GRM8: variants seen among roughly 807,000 people sequenced by gnomAD.
GRM8 encodes the protein metabotropic glutamate receptor 8.
Under a neutral mutation model 87.2 loss-of-function variants are expected in GRM8, and 47 were observed. The observed-to-expected ratio is 0.54, with a 90% CI of 0.43 to 0.69. The LOEUF (loss-of-function observed/expected upper bound fraction) is 0.69, where lower values mean the gene tolerates loss of function less well. Among genes scored for constraint, GRM8 ranks in the 30% least tolerant of loss-of-function variants. The pLI is 0.00. For missense variants in GRM8, 1,019 were observed against 1,139.2 expected, an observed-to-expected ratio of 0.89 and a Z score of 1.52; for synonymous variants, 396 against 404.5, an observed-to-expected ratio of 0.98 and a Z score of 0.25.
At chr7:126,523,695 G>A (rs759616119) in intron 9 of GRM8, among the ~76,000 whole-genome samples, 7 of 151,826 alleles carry the variant, frequency 4.6e-5, no homozygotes, top group Non-Finnish European at 1.0e-4. Context: ...ATGCGGTATC[G>A]CCAGGTTGGC....
At chr7:126,791,940 T>A (rs1159590929) in intron 6 of GRM8, among the ~76,000 whole-genome samples, 5 of 152,182 alleles carry the variant, frequency 3.3e-5, no homozygotes, top group Admixed American at 3.3e-4. Flanking sequence ...GAACGTGGGC[T>A]TACTGATGCT....
intron 7 of GRM8, among the ~76,000 whole-genome samples, chr7:126,753,958 C>A (rs973259348): frequency 3.3e-5 from 5 of 151,868 alleles, no homozygotes. Flanking sequence ...ACTTTTCAAT[C>A]ACGGTGATTA....
chr7:127,252,507 T>A lies in GRM8; in HGVS notation c.-312+290A>T, dbSNP rs1798928896. ...GGTGCCCACTCTCCTTCTCCCCCCA[T>A]TCCCGTCACCTCCGCCCGCTATTTC... On this transcript the variant is annotated intron_variant, in intron 1 of 10. Coordinates refer to ENST00000339582, the MANE Select transcript of GRM8 (RefSeq NM_000845.3). The surrounding 1 kb of genome is among the most constrained non-coding windows in gnomAD (Gnocchi z 4.9). The A allele has an allele frequency of 6.6e-6, 1 of 152,390 alleles. No homozygotes were observed. The highest frequency in any genetic ancestry group is 2.1e-4 in the South Asian group (1 of 4,824). 9.4% of individuals were successfully genotyped at this position (152,390 alleles called of 1,614,324 possible).
intron 7 of GRM8, among the ~76,000 whole-genome samples, chr7:126,618,843 A>G (rs1023782982): frequency 6.6e-6 from 1 of 152,266 alleles, no homozygotes; most frequent in African/African-American, 2.4e-5. Context: ...GACACCAGTT[A>G]GAATGGCGAT....
chr7:127,220,789 C>T (rs1047905740), intron 2 of GRM8, among the ~76,000 whole-genome samples: 10 of 152,170 alleles, frequency 6.6e-5, no homozygotes, highest in African/African-American at 2.2e-4. Context: ...GTGCCCCAGC[C>T]GCTGAACATA....
chr7:126,627,495 T>C (rs953546455), intron 7 of GRM8, among the ~76,000 whole-genome samples: 6 of 152,232 alleles, frequency 3.9e-5, no homozygotes, highest in Admixed American at 1.3e-4. Flanking sequence ...CAAATATTTA[T>C]ATTTTTATGT....
At chr7:126,443,752 G>T (rs1322017287) in intron 10 of GRM8, among the ~76,000 whole-genome samples, 1 of 151,794 alleles carries the variant, frequency 6.6e-6, no homozygotes, top group Non-Finnish European at 1.5e-5. Flanking sequence ...CCTTGTTTTT[G>T]CAATCTTTCA....
intron 7 of GRM8, among the ~76,000 whole-genome samples, chr7:126,615,240 AT>A (rs1332673491): frequency 1.3e-5 from 2 of 152,278 alleles, no homozygotes; most frequent in Admixed American, 6.5e-5. Flanking sequence ...AAAGAAAAGA[AT>A]TTTCAACCCA....
intron 3 of GRM8, among the ~76,000 whole-genome samples, chr7:127,040,236 G>A (rs1001931952): frequency 1.3e-5 from 2 of 152,058 alleles, no homozygotes; most frequent in African/African-American, 4.8e-5. Context: ...CAGCAACCAA[G>A]AACAGTTCAC....
At chr7:126,460,529 T>C (rs1002482029) in intron 9 of GRM8, among the ~76,000 whole-genome samples, 4 of 151,646 alleles carry the variant, frequency 2.6e-5, no homozygotes, top group South Asian at 2.1e-4. Context: ...CTCATAACTC[T>C]AGACCACAGA....
intron 3 of GRM8, among the ~76,000 whole-genome samples, chr7:126,925,439 T>C (rs1159232019): frequency 6.6e-6 from 1 of 152,176 alleles, no homozygotes; most frequent in African/African-American, 2.4e-5. Flanking sequence ...ATCTAAACAA[T>C]ACAATTCTGA....
intron 3 of GRM8, among the ~76,000 whole-genome samples, chr7:126,928,009 C>T (rs374857878): frequency 6.6e-6 from 1 of 152,114 alleles, no homozygotes; most frequent in East Asian, 1.9e-4. Flanking sequence ...AAATGTGGCA[C>T]ATATACGTCA....
Position 126,438,885 on chromosome 7 carries a change from T to C in GRM8, c.*234A>G. ...TTTTGTGATTTGTTTTAACTGCTCATGAATAAGCAATACTTTAGCTTGACA... is the reference window on the plus strand; with the variant it reads ...TTTTGTGATTTGTTTTAACTGCTCACGAATAAGCAATACTTTAGCTTGACA... On this transcript the variant is annotated 3_prime_UTR_variant, in exon 11 of 11. Transcript: ENST00000339582. The C allele has an allele frequency of 2.4e-6, 1 of 421,568 alleles. No individual in the cohort carries two copies. The highest frequency in any genetic ancestry group is 5.1e-5 in the South Asian group (1 of 19,500). 26.1% of individuals were successfully genotyped at this position (421,568 alleles called of 1,614,324 possible). A position where few individuals can be genotyped will look rare whatever the true frequency, so the allele number is the denominator to read the frequency against.
At position 126,769,914 on chromosome 7, in the gene GRM8, G is replaced by C. The variant is rs1194029097; in HGVS notation, c.1308C>G (p.Thr436=). The change falls in exon 7 of 11, where the codon ACC becomes ACG. Residue 436 remains threonine, a synonymous_variant. Transcript: ENST00000339582. ...AACCAAGTAGCTCTTTCCCATCAAT[G>C]GTACTCATTCGTGGACAAAGGCCAA... ...GYIGLCPRMS[T]IDGKELLGYI... The C allele has an allele frequency of 4.3e-6, 7 of 1,612,588 alleles. No homozygotes were observed. Among genetic ancestry groups the C allele is most frequent in the Non-Finnish European group, 5.9e-6 (7 of 1,178,938 alleles).
chr7:126,833,766 A>C (rs1795605917), intron 6 of GRM8, among the ~76,000 whole-genome samples: 1 of 152,194 alleles, frequency 6.6e-6, no homozygotes, highest in South Asian at 2.1e-4. Context: ...ATCAGGGAGG[A>C]CATAAACATT....
At chr7:127,110,469 T>C (rs1297355580) in intron 2 of GRM8, among the ~76,000 whole-genome samples, 1 of 152,230 alleles carries the variant, frequency 6.6e-6, no homozygotes, top group Non-Finnish European at 1.5e-5. Flanking sequence ...ACCTGTCATT[T>C]TGCTTTCCTT....
intron 9 of GRM8, among the ~76,000 whole-genome samples, chr7:126,456,344 C>T (rs956379469): frequency 1.3e-5 from 2 of 151,344 alleles, no homozygotes; most frequent in South Asian, 4.2e-4. Flanking sequence ...TTTAGACAGA[C>T]CTGTCAGCAG....
chr7:126,824,487 C>T (rs979545465), intron 6 of GRM8, among the ~76,000 whole-genome samples: 3 of 152,172 alleles, frequency 2.0e-5, no homozygotes, highest in African/African-American at 7.2e-5. Flanking sequence ...TTCCTGTTGA[C>T]TGGGGGAAGG....
chr7:126,710,479 A>G (rs1810992812), intron 7 of GRM8, among the ~76,000 whole-genome samples: 1 of 152,188 alleles, frequency 6.6e-6, no homozygotes, highest in African/African-American at 2.4e-5. Context: ...TCATTTCAAT[A>G]ATGTTCACAG....
Sources: gnomAD v4.1 joint callset for allele counts (sites outside exome capture counted in the v4.1 genomes callset) on GRCh38, gnomAD v4.1.1 for gene constraint, Gnocchi (gnomAD v3.1) non-coding constraint, MANE v1.5 for transcripts, NCBI Gene and HGNC (gene_info 2026-07-23, HGNC 2026-07-21) for gene names.